Variants in SPAG16 observed in about 807,000 individuals in gnomAD.
SPAG16 encodes sperm associated antigen 16.
In SPAG16, 86 loss-of-function variants were observed where a neutral mutation model predicts 80.4. The observed-to-expected ratio is 1.07, with a 90% CI of 0.90 to 1.28. The LOEUF (loss-of-function observed/expected upper bound fraction) is 1.28, where lower values mean the gene tolerates loss of function less well. Ranked by LOEUF, SPAG16 falls within the 50% of genes most tolerant of loss-of-function variation. The pLI, the probability that SPAG16 is intolerant of heterozygous loss-of-function variation, is 0.00. For missense variants in SPAG16, 870 were observed against 765.3 expected, an observed-to-expected ratio of 1.14 and a Z score of -1.61; for synonymous variants, 294 against 265.9, an observed-to-expected ratio of 1.11 and a Z score of -1.03.
At position 213,654,589 on chromosome 2, in the gene SPAG16, C is replaced by T. The variant is rs181195854; in HGVS notation, c.1070+164499C>T. ...AAAATTAGCCGGGTGTGGTGGTGGG[C>T]GCCTGTAGTCCCAGCTACTCGGGAG... On this transcript the variant is annotated intron_variant, in intron 10 of 15. Coordinates refer to ENST00000331683, the MANE Select transcript of SPAG16 (RefSeq NM_024532.5). Among the ~76,000 whole-genome samples, 11 of 146,002 alleles carry T rather than the reference C, an allele frequency of 7.5e-5. No homozygotes were observed. In the East Asian group the frequency reaches 1.8e-3, roughly 24 times the overall value.
chr2:214,214,010 A>G (rs961307958), intron 15 of SPAG16, among the ~76,000 whole-genome samples: 4 of 152,208 alleles, frequency 2.6e-5, no homozygotes, highest in African/African-American at 9.6e-5. Context: ...CTTTTGTGAT[A>G]GAACTCGGGC....
intron 10 of SPAG16, among the ~76,000 whole-genome samples, chr2:213,707,565 TAGTA>T (rs995572182): frequency 1.3e-5 from 2 of 152,342 alleles, no homozygotes; most frequent in South Asian, 2.1e-4. Flanking sequence ...TTGTGTACCC[TAGTA>T]GATTGATATG....
chr2:213,886,783 T>G (rs1189065799), intron 11 of SPAG16, among the ~76,000 whole-genome samples: 2 of 150,628 alleles, frequency 1.3e-5, no homozygotes, highest in Middle Eastern at 3.2e-3. Flanking sequence ...CCAAAAAAAA[T>G]GAATCAAAAT....
At chr2:214,409,448 G>A (rs901979398) in intron 15 of SPAG16, among the ~76,000 whole-genome samples, 2 of 151,908 alleles carry the variant, frequency 1.3e-5, no homozygotes, top group African/African-American at 4.8e-5. Flanking sequence ...TTTTCACTTT[G>A]AGGAAATGAG....
intron 14 of SPAG16, among the ~76,000 whole-genome samples, chr2:214,135,226 TATTA>T (rs2054985157): frequency 6.6e-6 from 1 of 152,204 alleles, no homozygotes; most frequent in Non-Finnish European, 1.5e-5. Flanking sequence ...TGAGGTCATA[TATTA>T]ATTGTTTTTC....
At chr2:213,735,990 G>C (rs2067264962) in intron 10 of SPAG16, among the ~76,000 whole-genome samples, 1 of 152,120 alleles carries the variant, frequency 6.6e-6, no homozygotes, top group Non-Finnish European at 1.5e-5. Context: ...GGAGATGAGG[G>C]AATTGATATT....
In SPAG16 at chr2:214,341,845, C is replaced by T. The variant is rs10498010; in HGVS notation, c.1721-68295C>T. ...AAACTAGAAAACAACTGACTCATTCCAGGATGGCAATGAAGAAATCTTCTA... is the reference window on the plus strand; with the variant it reads ...AAACTAGAAAACAACTGACTCATTCTAGGATGGCAATGAAGAAATCTTCTA... On this transcript the variant is annotated intron_variant, in intron 15 of 15. Transcript: ENST00000331683. Among the ~76,000 whole-genome samples the T allele has an allele frequency of 0.014, 2,204 of 152,154 alleles. 161 individuals are homozygous for T. The East Asian group carries it at 0.22, about 15-fold the overall frequency.
chr2:213,791,964 G>A (rs921572451), intron 10 of SPAG16, among the ~76,000 whole-genome samples: 3 of 152,266 alleles, frequency 2.0e-5, no homozygotes, highest in East Asian at 3.9e-4. Flanking sequence ...TGAGTATTTT[G>A]CAACACATTG....
intron 10 of SPAG16, among the ~76,000 whole-genome samples, chr2:213,548,682 C>T (rs1176315677): frequency 6.6e-6 from 1 of 152,000 alleles, no homozygotes; most frequent in Non-Finnish European, 1.5e-5. Context: ...TATGTTTTCT[C>T]CATTTTTCTT....
chr2:214,211,462 T>C (rs924698654), intron 15 of SPAG16, among the ~76,000 whole-genome samples: 1 of 152,196 alleles, frequency 6.6e-6, no homozygotes, highest in African/African-American at 2.4e-5. Flanking sequence ...TGTGAGTGAG[T>C]GATCCTACAG....
intron 10 of SPAG16, among the ~76,000 whole-genome samples, chr2:213,577,475 C>T (rs1342365994): frequency 6.6e-6 from 1 of 152,138 alleles, no homozygotes; most frequent in African/African-American, 2.4e-5. Context: ...TCCTAATCCT[C>T]TTCCCTCCGT....
chr2:214,219,120 T>C (rs1002236291), intron 15 of SPAG16, among the ~76,000 whole-genome samples: 29 of 152,146 alleles, frequency 1.9e-4, no homozygotes, highest in Non-Finnish European at 3.2e-4. Flanking sequence ...CTTTATTGCC[T>C]TTTATGAAGG....
intron 9 of SPAG16, among the ~76,000 whole-genome samples, chr2:213,457,640 T>C (rs988732357): frequency 3.3e-5 from 5 of 152,146 alleles, no homozygotes; most frequent in African/African-American, 4.8e-5. Context: ...CCAGACCAGA[T>C]TTATTTTTGG....
chr2:213,946,003 A>G (rs1212816406), intron 12 of SPAG16, among the ~76,000 whole-genome samples: 7 of 152,206 alleles, frequency 4.6e-5, no homozygotes, highest in Admixed American at 3.3e-4. Flanking sequence ...CATATTTTAT[A>G]TGACAGAATT....
chr2:213,817,689 G>A (rs2125684651), intron 10 of SPAG16, among the ~76,000 whole-genome samples: 1 of 152,152 alleles, frequency 6.6e-6, no homozygotes, highest in African/African-American at 2.4e-5. Flanking sequence ...GCAACTGGAG[G>A]CCATTATTCC....
At chr2:213,552,835 A>T (rs2076825117) in intron 10 of SPAG16, among the ~76,000 whole-genome samples, 1 of 152,164 alleles carries the variant, frequency 6.6e-6, no homozygotes, top group East Asian at 1.9e-4. Flanking sequence ...GAAGGACTAG[A>T]CTGGCTAAGT....
intron 14 of SPAG16, among the ~76,000 whole-genome samples, chr2:214,109,630 T>C (rs2053566548): frequency 6.6e-6 from 1 of 152,212 alleles, no homozygotes; most frequent in South Asian, 2.1e-4. Context: ...CAATTGAAAT[T>C]GTGCTTGTGT....
chr2:214,409,910 C>T (rs1702204376), intron 15 of SPAG16, among the ~76,000 whole-genome samples: 4 of 152,040 alleles, frequency 2.6e-5, no homozygotes, highest in African/African-American at 9.7e-5. Context: ...GGAGGTAGAC[C>T]ATTAGGCTCT....
rs535590160 is a variant in SPAG16 at position 214,013,795 on chromosome 2, G to A, written c.1401-156G>A. Reference sequence around the variant, plus strand: ...ATCGTATAAAGTGCTGAGAATATAAGGTAGCTATAGAATTTTACTTTTAAA... The same window carrying A: ...ATCGTATAAAGTGCTGAGAATATAAAGTAGCTATAGAATTTTACTTTTAAA... On this transcript the variant is annotated intron_variant, in intron 12 of 15. Transcript: ENST00000331683. 7.9e-5 allele frequency among the ~76,000 whole-genome samples: 12 copies of A among 152,192 alleles called. No individual in the cohort carries two copies. In the South Asian group the frequency reaches 1.2e-3, roughly 16 times the overall value.
Sources: gnomAD v4.1 joint callset for allele counts (sites outside exome capture counted in the v4.1 genomes callset) on GRCh38, gnomAD v4.1.1 for gene constraint, MANE v1.5 for transcripts, NCBI Gene and HGNC (gene_info 2026-07-23, HGNC 2026-07-21) for gene names.